The following DZIP1L variants were observed in gnomAD, a reference collection of about 807,000 sequenced individuals.
DZIP1L encodes the protein cilium assembly protein DZIP1L.
A neutral mutation model predicts 88.7 loss-of-function variants in DZIP1L; 90 were observed. The ratio of observed to expected loss-of-function variants is 1.02; its 90% confidence interval spans 0.86 to 1.21. The LOEUF (loss-of-function observed/expected upper bound fraction) is 1.21, where lower values mean the gene tolerates loss of function less well. Ranked by LOEUF, DZIP1L falls within the 50% of genes most tolerant of loss-of-function variation. The probability of loss-of-function intolerance (pLI) is 0.00; values close to 1 mark genes in which losing one functional copy is unlikely to be tolerated. For synonymous variants in DZIP1L, 363 were observed against 372.1 expected (o/e 0.98, Z 0.28); for missense variants, 932 against 955.8 (o/e 0.98, Z 0.33).
intron 10 of DZIP1L, among the ~76,000 whole-genome samples, chr3:138,079,137 T>C (rs183406937): frequency 8.5e-5 from 13 of 152,164 alleles, no homozygotes; most frequent in Non-Finnish European, 1.9e-4. Context: ...CAGGAAGAGG[T>C]AGACAAACAG....
At chr3:138,077,707 C>T (rs924440068) in intron 10 of DZIP1L, 75 bp from the exon 11 acceptor site, 14 of 1,573,708 alleles carry the variant, frequency 8.9e-6, no homozygotes, top group Non-Finnish European at 1.2e-5. Context: ...CTGCACCTGC[C>T]GAGCCCTCAC....
At chr3:138,076,405 A>T (rs1391634783) in intron 11 of DZIP1L, among the ~76,000 whole-genome samples, 1 of 151,410 alleles carries the variant, frequency 6.6e-6, no homozygotes, top group Admixed American at 6.6e-5. Context: ...CAATCCCACT[A>T]CTGCGTATCT....
At chr3:138,073,925 G>T (rs2622706) in intron 11 of DZIP1L, among the ~76,000 whole-genome samples, 95,331 of 151,580 alleles carry the variant, frequency 0.63, 30,770 homozygotes, top group Non-Finnish European at 0.7. Context: ...ACACTGAAAA[G>T]TCTCAGCAAT....
At chr3:138,112,970 G>C (rs1422233848) in intron 1 of DZIP1L, among the ~76,000 whole-genome samples, 1 of 152,168 alleles carries the variant, frequency 6.6e-6, no homozygotes, top group Non-Finnish European at 1.5e-5. Flanking sequence ...GAGAAGAAAT[G>C]ACTCACTGTC....
intron 12 of DZIP1L, 127 bp downstream of exon 12, chr3:138,071,516 C>T: frequency 9.1e-7 from 1 of 1,093,928 alleles, no homozygotes; most frequent in Non-Finnish European, 1.3e-6. Flanking sequence ...ACCCTACCAG[C>T]TCAGCCCTTC....
rs201567988 is a variant in DZIP1L, at chr3:138,068,330, G to C, written c.1653C>G (p.Ala551=). 5.7e-5 allele frequency: 90 copies of C among 1,578,704 alleles called. 2 individuals are homozygous for C. The East Asian group carries it at 2.1e-3, about 36-fold the overall frequency. Residue 551 remains alanine, a synonymous_variant, in exon 13 of 16, where the codon GCC becomes GCG. Transcript: ENST00000327532. The stretch of plus-strand genomic sequence containing the variant: ...CCTGCAGGGTCCTGGTCTTTGGCTG[G>C]GCCTCTCTGGTGACCAGTGTGCTCT... ...SQQSTLVTRE[A]QPKTRTLQVA...
chr3:138,095,335 C>T (rs897665075), intron 3 of DZIP1L, among the ~76,000 whole-genome samples: 1 of 152,130 alleles, frequency 6.6e-6, no homozygotes, highest in African/African-American at 2.4e-5. Flanking sequence ...TTTAAAATTA[C>T]TATAGTAACA....
At chr3:138,099,951 T>C (rs938410836) in intron 2 of DZIP1L, among the ~76,000 whole-genome samples, 3 of 152,218 alleles carry the variant, frequency 2.0e-5, no homozygotes, top group Non-Finnish European at 4.4e-5. Context: ...CAGTGTTTTT[T>C]GTATGCTAAT....
Position 138,094,884 on chromosome 3 carries a change from G to A in DZIP1L, c.686C>T (p.Ala229Val), listed in dbSNP as rs148594666. ...CACCTGGAGCTGCCGCTGCCTCTCC[G>A]CCTCCCTCTGGGCTTCCAGCTCCCC... ...TQGELEAQRE[A>V]ERQRQLQEAE... The change falls in exon 4 of 16, where the codon GCG (alanine) becomes GTG (valine). Residue 229 changes from alanine (A) to valine (V), a missense_variant. Coordinates refer to ENST00000327532, the MANE Select transcript of DZIP1L (RefSeq NM_173543.3). 6.8e-4 allele frequency: 1,093 copies of A among 1,614,126 alleles called. 5 individuals are homozygous for A. The highest frequency in any genetic ancestry group is 8.5e-4 in the African/African-American group (64 of 75,040).
chr3:138,093,325 G>A (rs2622729), intron 4 of DZIP1L, among the ~76,000 whole-genome samples: 93,475 of 151,986 alleles, frequency 0.62, 29,902 homozygotes, highest in Non-Finnish European at 0.7. Flanking sequence ...TCAACAGTGG[G>A]CTTAAAATAT....
intron 2 of DZIP1L, chr3:138,101,827 C>A: frequency 8.0e-7 from 1 of 1,246,300 alleles, no homozygotes; most frequent in Non-Finnish European, 1.2e-6. Flanking sequence ...ACGCAGCTGC[C>A]GCTCCATGTC....
At chr3:138,089,323 C>A in intron 5 of DZIP1L, 1 of 959,068 alleles carries the variant, frequency 1.0e-6, no homozygotes, top group Non-Finnish European at 1.2e-6. Flanking sequence ...CTCCCGGGTT[C>A]TAATGTGTCA....
rs1393826546 is a variant in DZIP1L at position 138,115,419 on chromosome 3, ACC to A, written c.-175_-174del. On this transcript the variant is annotated 5_prime_UTR_variant, in exon 1 of 16. Coordinates refer to ENST00000327532, the MANE Select transcript of DZIP1L (RefSeq NM_173543.3). The stretch of plus-strand genomic sequence containing the variant: ...CACGTCCCGCCTCCAGACTTGCTCC[ACC>A]GCCCCAGACAGCCCAGAGATGGTTC... 7.9e-5 allele frequency: 12 copies of A among 152,096 alleles called. No homozygotes were observed. Among genetic ancestry groups the A allele is most frequent in the Non-Finnish European group, 1.3e-4 (9 of 68,062 alleles). 9.4% of individuals were successfully genotyped at this position (152,096 alleles called of 1,614,324 possible).
chr3:138,088,458 G>T lies in DZIP1L; in HGVS notation c.920C>A (p.Ser307Ter). Residue 307 changes from serine to a stop codon, truncating the protein, a stop_gained, in exon 6 of 16, where the codon TCA (serine) becomes TAA (stop). Coordinates refer to ENST00000327532, the MANE Select transcript of DZIP1L (RefSeq NM_173543.3). LOFTEE classifies it high-confidence loss of function. Reference protein sequence around the residue: ...SHSVMESKLGSLRDEESEEWL... With the variant: ...SHSVMESKLG ...CTCCTCTGACTCCTCATCTCGCAGT[G>T]ATCCCAGCTTGGACTCCATCACACT... 6.2e-7 allele frequency: 1 copy of T among 1,614,052 alleles called. No homozygotes were observed. The highest frequency in any genetic ancestry group is 8.5e-7 in the Non-Finnish European group (1 of 1,179,976).
At chr3:138,064,303 G>C in intron 15 of DZIP1L, 1 of 1,170,322 alleles carries the variant, frequency 8.5e-7, no homozygotes, top group Non-Finnish European at 1.1e-6. Context: ...GGATGAGACC[G>C]GGCTGGAAGA....
At chr3:138,069,215 C>T in intron 12 of DZIP1L, 1 of 609,654 alleles carries the variant, frequency 1.6e-6, no homozygotes. Flanking sequence ...TGATCCACTT[C>T]CCCTTAATGA....
intron 11 of DZIP1L, among the ~76,000 whole-genome samples, chr3:138,076,082 GA>G (rs1943394828): frequency 1.3e-5 from 2 of 152,320 alleles, no homozygotes; most frequent in East Asian, 3.9e-4. Context: ...AGTGGGCCCA[GA>G]AGCCTTGGGT....
In DZIP1L at chr3:138,070,783, T is replaced by C. The variant is rs115316163; in HGVS notation, c.1615+860A>G. On this transcript the variant is annotated intron_variant, in intron 12 of 15. Coordinates refer to ENST00000327532, the MANE Select transcript of DZIP1L (RefSeq NM_173543.3). Reference sequence around the variant, plus strand: ...ACTGGCCTCCTTCTGGCCACATGTGTCCCTGACTGAGGAGACGAAGTAAAA... The same window carrying C: ...ACTGGCCTCCTTCTGGCCACATGTGCCCCTGACTGAGGAGACGAAGTAAAA... Among the ~76,000 whole-genome samples the C allele has an allele frequency of 2.1e-3, 313 of 152,276 alleles. 1 individual carries two copies. Among genetic ancestry groups the C allele is most frequent in the African/African-American group, 7.2e-3 (301 of 41,534 alleles).
intron 11 of DZIP1L, 22 bp downstream of exon 11, chr3:138,077,477 A>G (rs952760596): frequency 6.2e-7 from 1 of 1,613,698 alleles, no homozygotes; most frequent in Admixed American, 1.7e-5. Flanking sequence ...TCAGCCCTTA[A>G]AACGATGGCC....
Sources: gnomAD v4.1 joint callset for allele counts (sites outside exome capture counted in the v4.1 genomes callset) on GRCh38, gnomAD v4.1.1 for gene constraint, MANE v1.5 for transcripts, NCBI Gene and HGNC (gene_info 2026-07-23, HGNC 2026-07-21) for gene names.